CACNG8: variants seen among roughly 807,000 people sequenced by gnomAD.
CACNG8 encodes the protein calcium voltage-gated channel auxiliary subunit gamma 8, also known as voltage-dependent calcium channel gamma-8 subunit.
Under a neutral mutation model 26.9 loss-of-function variants are expected in CACNG8, and 5 were observed. The ratio of observed to expected loss-of-function variants is 0.19; its 90% CI spans 0.10 to 0.39. CACNG8 has a LOEUF of 0.39. CACNG8 is among the 10% of genes least tolerant of loss of function. The probability of loss-of-function intolerance (pLI) is 1.00; values close to 1 mark genes in which losing one functional copy is unlikely to be tolerated. For missense variants in CACNG8, 473 were observed against 609.4 expected (o/e 0.78, Z 2.36); for synonymous variants, 321 against 296.7 (o/e 1.08, Z -0.84).
intron 2 of CACNG8, 149 bp downstream of exon 2, chr19:53,978,378 G>A (rs898223100): frequency 9.5e-6 from 6 of 628,314 alleles, no homozygotes; most frequent in Non-Finnish European, 1.5e-5. Flanking sequence ...AGTCCAGATA[G>A]TGAGATCCTC....
intron 1 of CACNG8, among the ~76,000 whole-genome samples, chr19:53,970,485 C>T (rs1024922743): frequency 2.0e-5 from 3 of 149,076 alleles, no homozygotes; most frequent in African/African-American, 5.0e-5. Context: ...ATTAGTCGGG[C>T]GTAGTTGTGG....
chr19:53,979,407 G>GAA (rs1462088077), intron 2 of CACNG8, among the ~76,000 whole-genome samples: 1 of 151,920 alleles, frequency 6.6e-6, no homozygotes, highest in African/African-American at 2.4e-5. Context: ...GAGAGAGAGA[G>GAA]AAACCCAGAT....
chr19:53,972,919 C>T (rs1466668382), intron 1 of CACNG8, among the ~76,000 whole-genome samples: 1 of 152,160 alleles, frequency 6.6e-6, no homozygotes, highest in Non-Finnish European at 1.5e-5. Flanking sequence ...AACCTCTCCC[C>T]ATCACTCACC....
intron 1 of CACNG8, among the ~76,000 whole-genome samples, chr19:53,977,725 TTTCC>T (rs1266397011): frequency 6.6e-6 from 1 of 152,182 alleles, no homozygotes; most frequent in African/African-American, 2.4e-5. Flanking sequence ...CCTTGTTTTT[TTTCC>T]CACGCATTTC....
At chr19:53,979,773 G>A (rs2069352892) in intron 2 of CACNG8, 94 bp from the exon 3 acceptor site, 1 of 1,351,684 alleles carries the variant, frequency 7.4e-7, no homozygotes. Flanking sequence ...ACTGTCGGGA[G>A]GCGCCGCGAG....
At position 53,978,149 on chromosome 19, in the gene CACNG8, TG is replaced by T; in HGVS notation, c.288del (p.Arg98GlufsTer5). The T allele has an allele frequency of 1.2e-6, 2 of 1,612,076 alleles. No individual in the cohort carries two copies. Among genetic ancestry groups the T allele is most frequent in the Non-Finnish European group, 1.7e-6 (2 of 1,179,288 alleles). The stretch of plus-strand genomic sequence containing the variant: ...ACTGCCCTCCCCGCTCCTCCAGGGT[TG>T]AAAAGAGGCGTCTGCGTGAAGATCA... On this transcript the variant is annotated frameshift_variant, in exon 2 of 4. Coordinates refer to ENST00000270458, the MANE Select transcript of CACNG8 (RefSeq NM_031895.6). LOFTEE classifies it high-confidence loss of function.
In CACNG8 at chr19:53,973,581, C is replaced by G. The variant is rs1253325033; in HGVS notation, c.284-4565C>G. Reference sequence around the variant, plus strand: ...ATGGCTTACCCCTGTACTCCCAGCACTTTGGAAGGCCGAGGCAGGAGGATC... The same window carrying G: ...ATGGCTTACCCCTGTACTCCCAGCAGTTTGGAAGGCCGAGGCAGGAGGATC... On this transcript the variant is annotated intron_variant, in intron 1 of 3. Coordinates refer to ENST00000270458, the MANE Select transcript of CACNG8 (RefSeq NM_031895.6). Among the ~76,000 whole-genome samples the G allele has an allele frequency of 3.3e-5, 5 of 151,978 alleles. No homozygotes were observed. In the East Asian group the frequency reaches 7.8e-4, roughly 24 times the overall value.
chr19:53,969,329 A>G (rs2069288672), intron 1 of CACNG8, among the ~76,000 whole-genome samples: 1 of 152,096 alleles, frequency 6.6e-6, no homozygotes, highest in South Asian at 2.1e-4. Flanking sequence ...CCATTCTAAA[A>G]GAAGAAGTGA....
chr19:53,963,119 G>C lies in CACNG8; in HGVS notation c.-24G>C. The C allele has an allele frequency of 1.4e-6, 2 of 1,449,392 alleles. No individual in the cohort carries two copies. The highest frequency in any genetic ancestry group is 1.8e-6 in the Non-Finnish European group (2 of 1,098,192). 89.8% of individuals were successfully genotyped at this position (1,449,392 alleles called of 1,614,324 possible). ...CCCGCTGCCCCGGTGGTGGCCCACGGCCCCCCGGCTGCCCGTGGTCAAACT... is the reference window on the plus strand; with the variant it reads ...CCCGCTGCCCCGGTGGTGGCCCACGCCCCCCCGGCTGCCCGTGGTCAAACT... On this transcript the variant is annotated 5_prime_UTR_variant, in exon 1 of 4. Coordinates refer to ENST00000270458, the MANE Select transcript of CACNG8 (RefSeq NM_031895.6).
intron 3 of CACNG8, among the ~76,000 whole-genome samples, chr19:53,981,289 A>G (rs533898872): frequency 6.6e-6 from 1 of 152,234 alleles, no homozygotes; most frequent in South Asian, 2.1e-4. Flanking sequence ...GAGGTAGACT[A>G]ACTAGGGCAG....
chr19:53,964,561 G>A (rs935264766), intron 1 of CACNG8, among the ~76,000 whole-genome samples: 6 of 151,808 alleles, frequency 4.0e-5, no homozygotes, highest in Non-Finnish European at 7.4e-5. Flanking sequence ...AAGGCTTCTC[G>A]CTCCTGCCCC....
chr19:53,974,496 T>A (rs984373840), intron 1 of CACNG8, among the ~76,000 whole-genome samples: 2 of 152,330 alleles, frequency 1.3e-5, no homozygotes, highest in Non-Finnish European at 2.9e-5. Context: ...CTGGATCATA[T>A]GATGATTCTA....
rs543968598 is a variant in CACNG8, at chr19:53,964,583, C to G, written c.283+1158C>G. ...CTCGCTCCTGCCCCTGCTACCTCCTCGGATCTTCGACTTGGTTCTTTTCCT... is the reference window on the plus strand; with the variant it reads ...CTCGCTCCTGCCCCTGCTACCTCCTGGGATCTTCGACTTGGTTCTTTTCCT... On this transcript the variant is annotated intron_variant, in intron 1 of 3. Transcript: ENST00000270458. 3.3e-5 allele frequency among the ~76,000 whole-genome samples: 5 copies of G among 152,216 alleles called. No homozygotes were observed. The East Asian group carries it at 5.8e-4, about 18-fold the overall frequency.
At chr19:53,966,522 C>CT (rs1340983159) in intron 1 of CACNG8, among the ~76,000 whole-genome samples, 1 of 152,188 alleles carries the variant, frequency 6.6e-6, no homozygotes, top group East Asian at 1.9e-4. Flanking sequence ...AAGCCGTCCT[C>CT]TTGCCTCAGC....
rs181778842 is a variant in CACNG8 at position 53,984,882 on chromosome 19, G to A, written c.*2033G>A. 4 of 152,374 alleles carry A rather than the reference G, an allele frequency of 2.6e-5. No homozygotes were observed. Among genetic ancestry groups the A allele is most frequent in the African/African-American group, 9.6e-5 (4 of 41,550 alleles). 9.4% of individuals were successfully genotyped at this position (152,374 alleles called of 1,614,324 possible). A position where few individuals can be genotyped will look rare whatever the true frequency, so the allele number is the denominator to read the frequency against. On this transcript the variant is annotated 3_prime_UTR_variant, in exon 4 of 4. Coordinates refer to ENST00000270458, the MANE Select transcript of CACNG8 (RefSeq NM_031895.6). ...GGAGGAGGACCATTTGACTCCAAGA[G>A]TTCGAGGCTGCAGTGAGCTAGGATC...
chr19:53,982,741 G>T lies in CACNG8; in HGVS notation c.1170G>T (p.Pro390=). The change falls in exon 4 of 4, where the codon CCG becomes CCT. Residue 390 remains proline (P), a synonymous_variant. Transcript: ENST00000270458. This position sits in a 1 kb window ranked among gnomAD's most constrained non-coding sequence, Gnocchi z 8.4. ...TCACGGTCACCGGGCCGCCCGCCCC[G>T]CCCGCGCCCGCGCCACCCGCGCCCT... 1 of 1,164,964 alleles carries T rather than the reference G, an allele frequency of 8.6e-7. No individual in the cohort carries two copies. 72.2% of individuals were successfully genotyped at this position (1,164,964 alleles called of 1,614,324 possible).
intron 1 of CACNG8, among the ~76,000 whole-genome samples, chr19:53,975,044 C>G (rs564182238): frequency 5.6e-5 from 8 of 143,674 alleles, no homozygotes; most frequent in East Asian, 2.2e-4. Context: ...CACCTCCCGG[C>G]TTCAAGTGAT....
chr19:53,977,499 C>G (rs1045744690), intron 1 of CACNG8, among the ~76,000 whole-genome samples: 5 of 152,118 alleles, frequency 3.3e-5, no homozygotes, highest in African/African-American at 1.2e-4. Flanking sequence ...GCATACTCCA[C>G]CCCTCACACA....
At position 53,988,871 on chromosome 19, in the gene CACNG8, C is replaced by T. The variant is rs181172644; in HGVS notation, c.*6022C>T. On this transcript the variant is annotated 3_prime_UTR_variant, in exon 4 of 4. Coordinates refer to ENST00000270458, the MANE Select transcript of CACNG8 (RefSeq NM_031895.6). Reference sequence around the variant, plus strand: ...CTTGCTGCTGTCAGCGCCGGGCACACTCTGGGATTCCCCCTGTAGACCCTG... The same window carrying T: ...CTTGCTGCTGTCAGCGCCGGGCACATTCTGGGATTCCCCCTGTAGACCCTG... 105 of 152,428 alleles carry T rather than the reference C, an allele frequency of 6.9e-4. No individual in the cohort carries two copies. The highest frequency in any genetic ancestry group is 2.4e-3 in the African/African-American group (99 of 41,576). The allele number at this position is 152,428 out of a possible 1,614,324, so 9.4% of individuals were successfully genotyped here. A position where few individuals can be genotyped will look rare whatever the true frequency, so the allele number is the denominator to read the frequency against.
Sources: allele counts gnomAD v4.1 joint callset (sites outside exome capture counted in the v4.1 genomes callset), GRCh38; gene constraint gnomAD v4.1.1; non-coding constraint Gnocchi (gnomAD v3.1); transcripts MANE v1.5; gene names NCBI Gene and HGNC (gene_info 2026-07-23, HGNC 2026-07-21).